The following HMCN2 variants were observed in gnomAD, a reference collection of about 807,000 sequenced individuals.
HMCN2 encodes the protein hemicentin 2.
Under a neutral mutation model 377.5 loss-of-function variants are expected in HMCN2, and 325 were observed. The ratio of observed to expected loss-of-function variants is 0.86; its 90% CI spans 0.79 to 0.94. HMCN2 has a LOEUF of 0.94. HMCN2 is among the 40% of genes least tolerant of loss of function. HMCN2 has a pLI of 0.00. For synonymous variants in HMCN2, 2,007 were observed against 2,046.8 expected, an observed-to-expected ratio of 0.98 and a Z score of 0.53; for missense variants, 4,543 against 4,725.3, an observed-to-expected ratio of 0.96 and a Z score of 1.13.
Position 130,396,200 on chromosome 9 carries a change from A to G in HMCN2, c.11085A>G (p.Ala3695=), listed in dbSNP as rs1487266824. ...CCACCATCCGGTCAGGACCACCTGC[A>G]GTGAACGTCTCAGTGAACCAGACAG... ...TVPTIRSGPP[A]VNVSVNQTAL... is the part of the protein sequence containing the mutation. Residue 3695 remains alanine, a synonymous_variant, in exon 73 of 98, where the codon GCA becomes GCG. Coordinates refer to ENST00000683500, the MANE Select transcript of HMCN2 (RefSeq NM_001291815.2). The G allele has an allele frequency of 3.1e-6, 4 of 1,283,440 alleles. No individual in the cohort carries two copies. In the South Asian group the frequency reaches 4.9e-5, roughly 16 times the overall value. The allele number at this position is 1,283,440 out of a possible 1,614,324, so 79.5% of individuals were successfully genotyped here.
At position 130,360,166 on chromosome 9, in the gene HMCN2, G is replaced by C. The variant is rs865991692; in HGVS notation, c.5774-262G>C. Among the ~76,000 whole-genome samples, 6 of 152,098 alleles carry C rather than the reference G, an allele frequency of 3.9e-5. No homozygotes were observed. Among genetic ancestry groups the C allele is most frequent in the Middle Eastern group, 6.8e-3 (2 of 294 alleles). ...GGGCAACATTGCCCGGTTCCATCCC[G>C]GTTCCCTTTCCTGAATGAAGAACTC... is the stretch of plus-strand genomic sequence containing the variant. On this transcript the variant is annotated intron_variant, in intron 37 of 97. Transcript: ENST00000683500. This position sits in a 1 kb window ranked among gnomAD's most constrained non-coding sequence, Gnocchi z 4.7.
rs1181547649 is a variant in HMCN2, at chr9:130,357,982, C to T, written c.5574C>T (p.Asn1858=). The T allele has an allele frequency of 4.6e-6, 6 of 1,303,836 alleles. No homozygotes were observed. Among genetic ancestry groups the T allele is most frequent in the Non-Finnish European group, 6.1e-6 (6 of 988,734 alleles). 80.8% of individuals were successfully genotyped at this position (1,303,836 alleles called of 1,614,324 possible). A position where few individuals can be genotyped will look rare whatever the true frequency, so the allele number is the denominator to read the frequency against. Residue 1858 remains asparagine (N), a synonymous_variant, in exon 35 of 98, where the codon AAC becomes AAT. Transcript: ENST00000683500. Reference sequence around the variant, plus strand: ...TAGCCCTGGCAGCCTTTGGGGGGAACCTACAGGTATGTGCAGGGGCCCCAG... The same window carrying T: ...TAGCCCTGGCAGCCTTTGGGGGGAATCTACAGGTATGTGCAGGGGCCCCAG... The part of the protein sequence containing the change: ...DGVALAAFGG[N]LQIEKVDLRD...
intron 25 of HMCN2, among the ~76,000 whole-genome samples, chr9:130,346,388 T>C (rs1839393141): frequency 1.3e-5 from 2 of 151,746 alleles, no homozygotes; most frequent in Admixed American, 1.3e-4. Flanking sequence ...GCACACCTAC[T>C]GTGTACCAGG....
At chr9:130,387,105 C>T (rs768369382) in intron 61 of HMCN2, among the ~76,000 whole-genome samples, 36 of 152,278 alleles carry the variant, frequency 2.4e-4, no homozygotes, top group Non-Finnish European at 4.0e-4. Context: ...CATCTTGATC[C>T]CCAGGGGGGC....
intron 89 of HMCN2, 42 bp from the exon 90 acceptor site, chr9:130,425,645 T>TCCCCCCCCCCCCCCCCC: frequency 2.9e-6 from 2 of 683,080 alleles, no homozygotes; most frequent in Non-Finnish European, 4.9e-6. Flanking sequence ...TTTCTCCCTC[T>TCCCCCCCCCCCCCCCCC]CCCCCACCCC....
Position 130,300,252 on chromosome 9 carries a change from A to G in HMCN2, c.1276+964A>G, listed in dbSNP as rs79063454. ...TATCTATCCATCTATTTATCCATCTATCCACCCATTCGTCCACCCACCTGT... is the reference window on the plus strand; with the variant it reads ...TATCTATCCATCTATTTATCCATCTGTCCACCCATTCGTCCACCCACCTGT... On this transcript the variant is annotated intron_variant, in intron 8 of 97. Coordinates refer to ENST00000683500, the MANE Select transcript of HMCN2 (RefSeq NM_001291815.2). Among the ~76,000 whole-genome samples the G allele has an allele frequency of 4.2e-3, 645 of 152,178 alleles. 1 individual carries two copies. Among genetic ancestry groups the G allele is most frequent in the Middle Eastern group, 6.8e-3 (2 of 294 alleles).
chr9:130,425,301 C>G (rs1283668575), intron 89 of HMCN2, among the ~76,000 whole-genome samples, 171 bp downstream of exon 89: 3 of 152,134 alleles, frequency 2.0e-5, no homozygotes, highest in Admixed American at 1.3e-4. Context: ...GTAACAGGCT[C>G]AAGTTCAAGC....
In HMCN2 at chr9:130,320,911, TCGG is replaced by T. The variant is rs1220570343; in HGVS notation, c.2775+9_2775+11del. ...CTCAAGGACGGCCGGCCCGTGAGTG[TCGG>T]GCTCCTCTGGGTGCGGTGGGCGGTG... On this transcript the variant is annotated intron_variant, in intron 18 of 97. Transcript: ENST00000683500. 1 of 152,262 alleles carries T rather than the reference TCGG, an allele frequency of 6.6e-6. No homozygotes were observed. Among genetic ancestry groups the T allele is most frequent in the Non-Finnish European group, 1.5e-5 (1 of 68,152 alleles). The allele number at this position is 152,262 out of a possible 1,614,324, so 9.4% of individuals were successfully genotyped here. A position where few individuals can be genotyped will look rare whatever the true frequency, so the allele number is the denominator to read the frequency against.
intron 40 of HMCN2, among the ~76,000 whole-genome samples, chr9:130,363,718 A>AGG (rs1347789630): frequency 6.6e-6 from 1 of 151,568 alleles, no homozygotes; most frequent in Non-Finnish European, 1.5e-5. Context: ...AGCTACTCGA[A>AGG]AGGCTGAAGC....
chr9:130,330,430 C>G (rs1219387702), intron 22 of HMCN2, among the ~76,000 whole-genome samples: 1 of 152,178 alleles, frequency 6.6e-6, no homozygotes, highest in Non-Finnish European at 1.5e-5. Flanking sequence ...GCACCATGCC[C>G]AGTGCACTGA....
chr9:130,307,897 GT>G (rs1313508641), intron 14 of HMCN2, among the ~76,000 whole-genome samples: 1 of 152,114 alleles, frequency 6.6e-6, no homozygotes, highest in Non-Finnish European at 1.5e-5. Context: ...GGTTGGTTGC[GT>G]GAAGATTAAA....
chr9:130,322,038 GTGCAAATCA>G (rs1837880164), intron 19 of HMCN2, 107 bp downstream of exon 19: 1 of 142,152 alleles, frequency 7.0e-6, no homozygotes, highest in African/African-American at 3.1e-5. Flanking sequence ...TTAAAAAATC[GTGCAAATCA>G]TATATATTCT....
intron 1 of HMCN2, among the ~76,000 whole-genome samples, chr9:130,284,345 TG>T (rs1554926779): frequency 6.6e-6 from 1 of 152,156 alleles, no homozygotes; most frequent in East Asian, 1.9e-4. Flanking sequence ...AGGGAGGAGC[TG>T]GGGCTTGCCC....
At chr9:130,410,006 G>C (rs527667306) in intron 84 of HMCN2, among the ~76,000 whole-genome samples, 1 of 152,306 alleles carries the variant, frequency 6.6e-6, no homozygotes, top group South Asian at 2.1e-4. Context: ...TCACCTGTTA[G>C]GGAAACGCTG....
chr9:130,305,462 A>T (rs1375808959), intron 11 of HMCN2, among the ~76,000 whole-genome samples: 9 of 152,142 alleles, frequency 5.9e-5, no homozygotes, highest in Non-Finnish European at 1.2e-4. Flanking sequence ...AGTTTTAAGA[A>T]CCCAGAATCT....
At chr9:130,301,663 AG>A (rs1425390049) in intron 8 of HMCN2, among the ~76,000 whole-genome samples, 6 of 152,190 alleles carry the variant, frequency 3.9e-5, no homozygotes, top group Non-Finnish European at 7.3e-5. Flanking sequence ...CAGATGTGGC[AG>A]GGAGCCTGGA....
At chr9:130,284,834 T>C (rs564839995) in intron 2 of HMCN2, among the ~76,000 whole-genome samples, 161 bp downstream of exon 2, 22 of 152,328 alleles carry the variant, frequency 1.4e-4, no homozygotes, top group South Asian at 2.1e-4. Context: ...GCTGCTCCCA[T>C]GGCCCCCTCC....
At position 130,425,831 on chromosome 9, in the gene HMCN2, C is replaced by G; in HGVS notation, c.13786C>G (p.Leu4596Val). The G allele has an allele frequency of 6.4e-7, 1 of 1,550,512 alleles. No homozygotes were observed. The highest frequency in any genetic ancestry group is 8.7e-7 in the Non-Finnish European group (1 of 1,146,968). ...CGCGGCCCGGGGCCCCCAGCCCCAG[C>G]TGGTGCAGCACCTGCGGGCCTCAGC... ...YNAARGPQPQLVQHLRASAIS... is the reference protein window; with the variant it reads ...YNAARGPQPQVVQHLRASAIS... The change falls in exon 90 of 98, where the codon CTG becomes GTG. Residue 4596 changes from leucine to valine, a missense_variant. Leu to Val is a conservative substitution (Grantham distance 32, BLOSUM62 1). Coordinates refer to ENST00000683500, the MANE Select transcript of HMCN2 (RefSeq NM_001291815.2).
chr9:130,353,570 G>C (rs945892743), intron 31 of HMCN2, among the ~76,000 whole-genome samples: 4 of 152,200 alleles, frequency 2.6e-5, no homozygotes, highest in Non-Finnish European at 5.9e-5. Context: ...AGACCAGAGG[G>C]GCACTTTGCA....
Sources: gnomAD v4.1 joint callset for allele counts (sites outside exome capture counted in the v4.1 genomes callset) on GRCh38, gnomAD v4.1.1 for gene constraint, Gnocchi (gnomAD v3.1) non-coding constraint, MANE v1.5 for transcripts, NCBI Gene and HGNC (gene_info 2026-07-23, HGNC 2026-07-21) for gene names.